BAZ1B: variants seen among roughly 807,000 people sequenced by gnomAD.
BAZ1B encodes tyrosine-protein kinase BAZ1B.
Under a neutral mutation model 153.8 loss-of-function variants are expected in BAZ1B, and 22 were observed. The observed-to-expected ratio is 0.14, with a 90% CI of 0.10 to 0.20. The LOEUF is 0.20. BAZ1B is among the 10% of genes least tolerant of loss of function. The pLI, the probability that BAZ1B is intolerant of heterozygous loss-of-function variation, is 1.00. For synonymous variants in BAZ1B, 676 were observed against 633.4 expected (o/e 1.07, Z -1.01); for missense variants, 1,325 against 1,799.3 (o/e 0.74, Z 4.77).
intron 4 of BAZ1B, among the ~76,000 whole-genome samples, chr7:73,497,175 C>T (rs576344166): frequency 1.3e-5 from 2 of 151,558 alleles, no homozygotes; most frequent in South Asian, 2.1e-4. Context: ...CCAGGAATGT[C>T]GAGGCTGCAG....
intron 4 of BAZ1B, among the ~76,000 whole-genome samples, chr7:73,496,702 G>C (rs989030708): frequency 7.2e-5 from 11 of 152,116 alleles, no homozygotes; most frequent in Non-Finnish European, 1.3e-4. Flanking sequence ...CAGGTCCCTA[G>C]GACATCATAG....
chr7:73,517,007 C>A (rs1169020836), intron 1 of BAZ1B, among the ~76,000 whole-genome samples: 1 of 151,022 alleles, frequency 6.6e-6, no homozygotes, highest in Non-Finnish European at 1.5e-5. Flanking sequence ...CGTGGTAAAA[C>A]CCCATCTCTA....
chr7:73,516,327 T>TC (rs1180359810), intron 1 of BAZ1B, among the ~76,000 whole-genome samples: 1 of 152,134 alleles, frequency 6.6e-6, no homozygotes, highest in African/African-American at 2.4e-5. Flanking sequence ...TTTTCTTTTT[T>TC]CCCACCATTT....
chr7:73,443,486 A>G (rs1787706679), intron 17 of BAZ1B, among the ~76,000 whole-genome samples: 1 of 152,128 alleles, frequency 6.6e-6, no homozygotes, highest in Non-Finnish European at 1.5e-5. Flanking sequence ...TTAAGCCCCT[A>G]ACTCCAATTT....
At chr7:73,485,227 A>G (rs1789356980) in intron 6 of BAZ1B, among the ~76,000 whole-genome samples, 3 of 152,094 alleles carry the variant, frequency 2.0e-5, no homozygotes, top group Non-Finnish European at 4.4e-5. Context: ...GAGCTAGCAA[A>G]TATCAATGTT....
intron 4 of BAZ1B, among the ~76,000 whole-genome samples, chr7:73,496,078 G>C (rs1276991859): frequency 6.6e-6 from 1 of 152,142 alleles, no homozygotes; most frequent in Non-Finnish European, 1.5e-5. Context: ...CTCTGCTTTT[G>C]ACAATTAAGA....
chr7:73,483,115 A>G lies in BAZ1B; in HGVS notation c.892-4546T>C, dbSNP rs148204362. Reference sequence around the variant, plus strand: ...TTGCCAAAGGCCCTTCCTAATTGCTAAACAGAAAAAAATATTTATGACTGT... The same window carrying G: ...TTGCCAAAGGCCCTTCCTAATTGCTGAACAGAAAAAAATATTTATGACTGT... On this transcript the variant is annotated intron_variant, in intron 6 of 19. Coordinates refer to ENST00000339594, the MANE Select transcript of BAZ1B (RefSeq NM_032408.4). Among the ~76,000 whole-genome samples the G allele has an allele frequency of 3.6e-3, 554 of 152,352 alleles. 3 individuals are homozygous for G. Among genetic ancestry groups the G allele is most frequent in the Non-Finnish European group, 6.0e-3 (411 of 68,026 alleles).
chr7:73,508,178 C>T, intron 3 of BAZ1B, 149 bp downstream of exon 3: 1 of 849,942 alleles, frequency 1.2e-6, no homozygotes, highest in Non-Finnish European at 1.6e-6. Context: ...CAAGAAAACA[C>T]ACAAGTATTA....
Position 73,510,744 on chromosome 7 carries a change from A to G in BAZ1B, c.216T>C (p.Val72=). The part of the protein sequence containing the change: ...HKEAWEEEQE[V]AELLKEEFPA... ...ATACTTCCATTACTTACAGCTCAGC[A>G]ACTTCCTGTTCTTCCTCCCAGGCTT... is the stretch of plus-strand genomic sequence containing the variant. Residue 72 remains valine (V), a synonymous_variant, in exon 2 of 20, where the codon GTT becomes GTC. Coordinates refer to ENST00000339594, the MANE Select transcript of BAZ1B (RefSeq NM_032408.4). 1.2e-6 allele frequency: 2 copies of G among 1,613,890 alleles called. No homozygotes were observed. The highest frequency in any genetic ancestry group is 1.7e-6 in the Non-Finnish European group (2 of 1,179,804).
intron 17 of BAZ1B, among the ~76,000 whole-genome samples, chr7:73,443,356 C>T (rs1254204975): frequency 2.7e-5 from 4 of 149,364 alleles, no homozygotes; most frequent in African/African-American, 5.0e-5. Flanking sequence ...AGAAAAGGGG[C>T]GGGGCCTCCA....
At chr7:73,475,353 A>G (rs548467428) in intron 7 of BAZ1B, among the ~76,000 whole-genome samples, 16 of 152,382 alleles carry the variant, frequency 1.0e-4, no homozygotes, top group African/African-American at 3.6e-4. Flanking sequence ...TGAGAAACAA[A>G]ACGTGGTATA....
At chr7:73,453,651 A>G (rs1554568952) in intron 13 of BAZ1B, among the ~76,000 whole-genome samples, 2 of 152,226 alleles carry the variant, frequency 1.3e-5, no homozygotes, top group Non-Finnish European at 2.9e-5. Context: ...AATATCTTAG[A>G]CATCTAAAAG....
chr7:73,492,134 A>G (rs1390633310), intron 5 of BAZ1B, among the ~76,000 whole-genome samples: 2 of 151,870 alleles, frequency 1.3e-5, no homozygotes, highest in Middle Eastern at 3.4e-3. Context: ...CTGGGATTAT[A>G]GGCGTGCGCC....
Position 73,442,520 on chromosome 7 carries a change from G to A in BAZ1B, c.4128C>T (p.Tyr1376=). ...EPVTRDEAED[Y]YDVITHPMDF... is the part of the protein sequence containing the mutation. ...CCATGGGGTGCGTGATCACATCATAGTAGTCCTCGGCCTCATCTCTGGTCA... is the reference window on the plus strand; with the variant it reads ...CCATGGGGTGCGTGATCACATCATAATAGTCCTCGGCCTCATCTCTGGTCA... Residue 1376 remains tyrosine, a synonymous_variant, in exon 19 of 20, where the codon TAC becomes TAT. Transcript: ENST00000339594. 2 of 1,613,462 alleles carry A rather than the reference G, an allele frequency of 1.2e-6. No individual in the cohort carries two copies. The highest frequency in any genetic ancestry group is 1.7e-6 in the Non-Finnish European group (2 of 1,179,556).
At chr7:73,506,495 T>A (rs1337556174) in intron 3 of BAZ1B, among the ~76,000 whole-genome samples, 1 of 134,684 alleles carries the variant, frequency 7.4e-6, no homozygotes, top group Admixed American at 7.7e-5. Context: ...CGAGACTCCA[T>A]CTTAAAAAAA....
chr7:73,500,473 G>A (rs144444144), intron 3 of BAZ1B, among the ~76,000 whole-genome samples: 1,907 of 152,234 alleles, frequency 0.013, 42 homozygotes, highest in African/African-American at 0.044. Flanking sequence ...AGCCTGGGAC[G>A]TTGAAGAAGA....
At chr7:73,458,539 G>A (rs2116269431) in intron 13 of BAZ1B, among the ~76,000 whole-genome samples, 1 of 152,106 alleles carries the variant, frequency 6.6e-6, no homozygotes, top group Non-Finnish European at 1.5e-5. Flanking sequence ...AGCCAGGCAT[G>A]GTGGCATGCA....
At chr7:73,512,915 AT>A (rs1193641073) in intron 1 of BAZ1B, among the ~76,000 whole-genome samples, 2 of 152,154 alleles carry the variant, frequency 1.3e-5, no homozygotes, top group African/African-American at 4.8e-5. Flanking sequence ...AATAGCTGGG[AT>A]TACAGACTTA....
chr7:73,514,732 G>A (rs906253405), intron 1 of BAZ1B, among the ~76,000 whole-genome samples: 42 of 152,082 alleles, frequency 2.8e-4, no homozygotes, highest in Non-Finnish European at 4.0e-4. Flanking sequence ...CTTGAGCCCA[G>A]GAGGTGGAGG....
Sources: allele counts gnomAD v4.1 joint callset (sites outside exome capture counted in the v4.1 genomes callset), GRCh38; gene constraint gnomAD v4.1.1; transcripts MANE v1.5; gene names NCBI Gene and HGNC (gene_info 2026-07-23, HGNC 2026-07-21).